FARP1: variants seen among roughly 807,000 people sequenced by gnomAD.
FARP1 encodes FERM, ARHGEF and pleckstrin domain-containing protein 1.
FARP1 carries 52 observed loss-of-function variants against 128.8 expected under a neutral mutation model. The ratio of observed to expected loss-of-function variants is 0.40; its 90% CI spans 0.32 to 0.51. The LOEUF (loss-of-function observed/expected upper bound fraction) is 0.51, where lower values mean the gene tolerates loss of function less well. Among genes scored for constraint, FARP1 ranks in the 20% least tolerant of loss-of-function variants. The pLI, the probability that FARP1 is intolerant of heterozygous loss-of-function variation, is 0.45. For missense variants in FARP1, 1,333 were observed against 1,367.9 expected (o/e 0.97, Z 0.40); for synonymous variants, 580 against 551.8 (o/e 1.05, Z -0.72).
At chr13:98,283,260 G>T (rs74108746) in intron 2 of FARP1, among the ~76,000 whole-genome samples, 2 of 152,258 alleles carry the variant, frequency 1.3e-5, no homozygotes, top group East Asian at 3.9e-4. Flanking sequence ...TCATTCTAAG[G>T]AGAAAACCAA....
At chr13:98,198,181 G>T (rs1440219297) in intron 1 of FARP1, among the ~76,000 whole-genome samples, 1 of 152,184 alleles carries the variant, frequency 6.6e-6, no homozygotes, top group Non-Finnish European at 1.5e-5. Flanking sequence ...AAAGGGGCTT[G>T]TCTGAGCCAG....
chr13:98,389,445 A>C (rs747189522), intron 9 of FARP1: 4 of 152,906 alleles, frequency 2.6e-5, no homozygotes, highest in African/African-American at 9.7e-5. Flanking sequence ...CAAGAGTGAC[A>C]CTTTGTGCTC....
chr13:98,386,021 A>G, intron 8 of FARP1: 2 of 552,736 alleles, frequency 3.6e-6, no homozygotes, highest in Non-Finnish European at 6.4e-6. Flanking sequence ...TGTTTGGGGA[A>G]TCCACATTAC....
At chr13:98,198,356 C>T (rs577649675) in intron 1 of FARP1, among the ~76,000 whole-genome samples, 3 of 152,312 alleles carry the variant, frequency 2.0e-5, no homozygotes, top group South Asian at 4.1e-4. Flanking sequence ...CAATGTTTTT[C>T]TGTAGGGGAA....
chr13:98,306,997 G>A (rs532767664), intron 2 of FARP1, among the ~76,000 whole-genome samples: 4 of 140,984 alleles, frequency 2.8e-5, no homozygotes, highest in South Asian at 2.4e-4. Flanking sequence ...CATTACAAAC[G>A]AAGAAACAGA....
At chr13:98,432,411 C>T (rs1460959901) in intron 18 of FARP1, 2 of 152,258 alleles carry the variant, frequency 1.3e-5, no homozygotes, top group Non-Finnish European at 2.9e-5. Context: ...TCCAGACCTG[C>T]TTTTCCCACG....
chr13:98,410,359 C>G (rs1891144850), intron 14 of FARP1, among the ~76,000 whole-genome samples: 1 of 152,170 alleles, frequency 6.6e-6, no homozygotes, highest in Non-Finnish European at 1.5e-5. Flanking sequence ...AACACCAACT[C>G]CACCAACGGA....
chr13:98,404,019 TCAC>T (rs879555980), intron 13 of FARP1: 1 of 135,394 alleles, frequency 7.4e-6, no homozygotes, highest in Non-Finnish European at 1.6e-5. Flanking sequence ...ACCACCACCA[TCAC>T]CACCACCACT....
chr13:98,443,475 C>T (rs1005965047), intron 24 of FARP1, among the ~76,000 whole-genome samples: 1 of 152,262 alleles, frequency 6.6e-6, no homozygotes, highest in Admixed American at 6.5e-5. Flanking sequence ...CCAGGGCCTC[C>T]TCCCTGCATG....
intron 1 of FARP1, among the ~76,000 whole-genome samples, chr13:98,158,762 T>G (rs1160609487): frequency 1.3e-5 from 2 of 152,150 alleles, no homozygotes; most frequent in Non-Finnish European, 2.9e-5. Context: ...GCTAAGAGAC[T>G]GTCTGGTGGT....
intron 2 of FARP1, among the ~76,000 whole-genome samples, chr13:98,308,507 A>G (rs900145853): frequency 3.3e-5 from 5 of 152,182 alleles, no homozygotes; most frequent in Admixed American, 1.3e-4. Flanking sequence ...GGACAGCCTG[A>G]CGAGCCACAT....
chr13:98,270,713 A>G (rs1884349203), intron 2 of FARP1, among the ~76,000 whole-genome samples: 1 of 152,256 alleles, frequency 6.6e-6, no homozygotes, highest in South Asian at 2.1e-4. Flanking sequence ...CTCATCCTGC[A>G]CATGGCTAAC....
chr13:98,365,894 GGT>G (rs55871546), intron 4 of FARP1, among the ~76,000 whole-genome samples: 76 of 148,300 alleles, frequency 5.1e-4, no homozygotes, highest in East Asian at 4.4e-3. Flanking sequence ...GTGTGTATGT[GGT>G]GTGTGTGTGT....
At chr13:98,179,813 A>T (rs1878376450) in intron 1 of FARP1, among the ~76,000 whole-genome samples, 1 of 152,108 alleles carries the variant, frequency 6.6e-6, no homozygotes, top group African/African-American at 2.4e-5. Context: ...GCCGAGATCA[A>T]GCCACTGCAC....
intron 2 of FARP1, among the ~76,000 whole-genome samples, chr13:98,286,606 G>A (rs1413395709): frequency 6.6e-6 from 1 of 152,202 alleles, no homozygotes; most frequent in East Asian, 1.9e-4. Flanking sequence ...GGAACTGTGA[G>A]TCCTTTAAAC....
intron 3 of FARP1, among the ~76,000 whole-genome samples, chr13:98,362,621 C>T (rs1344616887): frequency 6.6e-6 from 1 of 152,204 alleles, no homozygotes; most frequent in Non-Finnish European, 1.5e-5. Context: ...GCCGTCTTAT[C>T]CTCCATGGAG....
rs578079097 is a variant in FARP1 at position 98,159,866 on chromosome 13, A to G, written c.-24+16374A>G. 3.3e-5 allele frequency among the ~76,000 whole-genome samples: 5 copies of G among 152,328 alleles called. No individual in the cohort carries two copies. In the East Asian group the frequency reaches 9.6e-4, roughly 29 times the overall value. On this transcript the variant is annotated intron_variant, in intron 1 of 26. Transcript: ENST00000319562. The stretch of plus-strand genomic sequence containing the variant: ...ATTCTGCACCCAAGGTGAGTGCCTC[A>G]CTGGCCTCACCCTAGTGCCAAGTAA...
At chr13:98,335,482 C>T in intron 2 of FARP1, among the ~76,000 whole-genome samples, 1 of 152,160 alleles carries the variant, frequency 6.6e-6, no homozygotes, top group East Asian at 1.9e-4. Context: ...ATTGACTCAC[C>T]TCCTACAGGG....
At position 98,216,401 on chromosome 13, in the gene FARP1, G is replaced by A. The variant is rs1881064383; in HGVS notation, c.171+2988G>A. On this transcript the variant is annotated intron_variant, in intron 2 of 26. Coordinates refer to ENST00000319562, the MANE Select transcript of FARP1 (RefSeq NM_005766.4). ...TTTTGCTGGGAATTCAAGGCCAAGT[G>A]TCTGACCCTGGAAACGTCCTTTGAT... is the stretch of plus-strand genomic sequence containing the variant. 2.0e-5 allele frequency among the ~76,000 whole-genome samples: 3 copies of A among 152,126 alleles called. 1 individual carries two copies. The highest frequency in any genetic ancestry group is 4.2e-4 in the South Asian group (2 of 4,816).
Sources: gnomAD v4.1 joint callset for allele counts (sites outside exome capture counted in the v4.1 genomes callset) on GRCh38, gnomAD v4.1.1 for gene constraint, MANE v1.5 for transcripts, NCBI Gene and HGNC (gene_info 2026-07-23, HGNC 2026-07-21) for gene names.